Variants in MAML3 observed in about 807,000 individuals in gnomAD.
The protein encoded by MAML3 is mastermind like transcriptional coactivator 3, also known as mastermind-like protein 3.
MAML3 carries 27 observed loss-of-function variants against 101.9 expected under a neutral mutation model. That is an observed-to-expected ratio of 0.27 (90% CI 0.20 to 0.37). The LOEUF (loss-of-function observed/expected upper bound fraction) is 0.37. MAML3 is among the 10% of genes least tolerant of loss of function. The pLI is 1.00. For synonymous variants in MAML3, 501 were observed against 555.9 expected, an observed-to-expected ratio of 0.90 and a Z score of 1.39; for missense variants, 1,316 against 1,444.9, an observed-to-expected ratio of 0.91 and a Z score of 1.45.
At chr4:139,801,643 G>GTGTGTGTGT (rs1560798508) in intron 2 of MAML3, among the ~76,000 whole-genome samples, 195 of 30,760 alleles carry the variant, frequency 6.3e-3, no homozygotes, top group South Asian at 0.036. Context: ...GGTGTGTGTG[G>GTGTGTGTGT]GTGTGTGTGT....
chr4:139,804,036 C>A (rs1482196049), intron 2 of MAML3, among the ~76,000 whole-genome samples: 4 of 152,176 alleles, frequency 2.6e-5, no homozygotes, highest in African/African-American at 9.7e-5. Context: ...TCGGCAGACC[C>A]AACTTCCTGC....
intron 4 of MAML3, among the ~76,000 whole-genome samples, chr4:139,723,113 G>T (rs6834271): frequency 0.12 from 18,240 of 152,236 alleles, 1,276 homozygotes; most frequent in East Asian, 0.16. Context: ...ATATCTATAT[G>T]AGTGCGAAAT....
Position 139,940,496 on chromosome 4 carries a change from T to A in MAML3, c.469-49529A>T, listed in dbSNP as rs531799713. Among the ~76,000 whole-genome samples the A allele has an allele frequency of 2.1e-3, 317 of 152,332 alleles. 2 individuals are homozygous for A. The highest frequency in any genetic ancestry group is 3.3e-3 in the Non-Finnish European group (222 of 68,030). On this transcript the variant is annotated intron_variant, in intron 1 of 4. Coordinates refer to ENST00000509479, the MANE Select transcript of MAML3 (RefSeq NM_018717.5). ...GGATAATAATTCCTCAATTCTGTTA[T>A]GACTACTTTGGCAATAATATGAGAA...
intron 1 of MAML3, among the ~76,000 whole-genome samples, chr4:139,926,960 C>T (rs1405408357): frequency 6.6e-6 from 1 of 152,222 alleles, no homozygotes; most frequent in East Asian, 1.9e-4. Flanking sequence ...ATAACAATTC[C>T]TCAGTCTTTC....
chr4:139,932,378 T>G lies in MAML3; in HGVS notation c.469-41411A>C, dbSNP rs528940938. 4.6e-5 allele frequency among the ~76,000 whole-genome samples: 7 copies of G among 152,340 alleles called. No individual in the cohort carries two copies. In the South Asian group the frequency reaches 8.3e-4, roughly 18 times the overall value. On this transcript the variant is annotated intron_variant, in intron 1 of 4. Coordinates refer to ENST00000509479, the MANE Select transcript of MAML3 (RefSeq NM_018717.5). ...AACTAAGTTTCATTGATCTCAAGAT[T>G]ATGCAGTACCTCAAACTAAGGTTAA...
chr4:139,901,145 G>C (rs551273715), intron 1 of MAML3, among the ~76,000 whole-genome samples: 1 of 152,350 alleles, frequency 6.6e-6, no homozygotes, highest in South Asian at 2.1e-4. Context: ...CTTTGAGTCA[G>C]ATCTGGCTGA....
chr4:140,098,257 T>A lies in MAML3; in HGVS notation c.468+54603A>T, dbSNP rs149601127. ...CTCAAAAGGGCAAAGGTTTTTTGAATCCGAGCTCTATTACATACAATGCGC... is the reference window on the plus strand; with the variant it reads ...CTCAAAAGGGCAAAGGTTTTTTGAAACCGAGCTCTATTACATACAATGCGC... On this transcript the variant is annotated intron_variant, in intron 1 of 4. Coordinates refer to ENST00000509479, the MANE Select transcript of MAML3 (RefSeq NM_018717.5). Among the ~76,000 whole-genome samples the A allele has an allele frequency of 2.2e-3, 332 of 152,350 alleles. 2 individuals are homozygous for A. Among genetic ancestry groups the A allele is most frequent in the Non-Finnish European group, 4.0e-3 (269 of 68,032 alleles).
intron 1 of MAML3, among the ~76,000 whole-genome samples, chr4:140,039,339 A>C (rs1323112810): frequency 6.6e-6 from 1 of 152,044 alleles, no homozygotes; most frequent in Non-Finnish European, 1.5e-5. Flanking sequence ...TGGTACGGTC[A>C]ATTGGGCATG....
intron 1 of MAML3, among the ~76,000 whole-genome samples, chr4:139,964,367 C>A (rs6841661): frequency 0.67 from 102,049 of 151,934 alleles, 34,622 homozygotes; most frequent in Admixed American, 0.8. Flanking sequence ...ATGGTTCTCA[C>A]TCATAAGTGG....
chr4:139,792,261 A>G (rs1730426631), intron 2 of MAML3, among the ~76,000 whole-genome samples: 1 of 152,170 alleles, frequency 6.6e-6, no homozygotes, highest in Admixed American at 6.5e-5. Context: ...GAGATCTGAG[A>G]AGTCATCTAC....
intron 2 of MAML3, among the ~76,000 whole-genome samples, chr4:139,760,580 A>G (rs1260245304): frequency 6.6e-6 from 1 of 152,260 alleles, no homozygotes; most frequent in Non-Finnish European, 1.5e-5. Context: ...AGTTCATTGT[A>G]TACAGAACAC....
intron 2 of MAML3, among the ~76,000 whole-genome samples, chr4:139,796,255 T>C (rs999787806): frequency 1.3e-5 from 2 of 152,240 alleles, no homozygotes; most frequent in African/African-American, 2.4e-5. Context: ...TAGGGCTTTA[T>C]AGAGAGAAGA....
rs550097763 is a variant in MAML3 at position 139,922,231 on chromosome 4, G to A, written c.469-31264C>T. Among the ~76,000 whole-genome samples the A allele has an allele frequency of 1.6e-3, 247 of 152,160 alleles. 2 individuals carry two copies. Among genetic ancestry groups the A allele is most frequent in the African/African-American group, 5.7e-3 (237 of 41,502 alleles). The stretch of plus-strand genomic sequence containing the variant: ...CTTGCTTGCTTTTTAATTCCAAGGG[G>A]TATACTTATTTATTTGCTAATGACA... On this transcript the variant is annotated intron_variant, in intron 1 of 4. Coordinates refer to ENST00000509479, the MANE Select transcript of MAML3 (RefSeq NM_018717.5).
chr4:139,966,807 T>C (rs541706749), intron 1 of MAML3, among the ~76,000 whole-genome samples: 72 of 152,278 alleles, frequency 4.7e-4, no homozygotes, highest in African/African-American at 1.5e-3. Context: ...ATACCCATCA[T>C]GAAAGGAAAA....
intron 2 of MAML3, among the ~76,000 whole-genome samples, chr4:139,849,338 T>C (rs1731508258): frequency 6.6e-6 from 1 of 152,210 alleles, no homozygotes; most frequent in Non-Finnish European, 1.5e-5. Flanking sequence ...AAAGGAAAAC[T>C]GTATGAACTG....
At chr4:139,889,222 T>TG in intron 2 of MAML3, 135 bp downstream of exon 2, 2 of 1,533,036 alleles carry the variant, frequency 1.3e-6, no homozygotes, top group Non-Finnish European at 1.8e-6. Context: ...ACCTGGCCAC[T>TG]ACCTGAGGAT....
chr4:139,898,284 A>C (rs1291456364), intron 1 of MAML3, among the ~76,000 whole-genome samples: 4 of 152,246 alleles, frequency 2.6e-5, no homozygotes, highest in African/African-American at 4.8e-5. Flanking sequence ...GGTTAGTTTA[A>C]AATACTGAAA....
At chr4:139,904,113 G>A (rs1732774531) in intron 1 of MAML3, among the ~76,000 whole-genome samples, 1 of 152,134 alleles carries the variant, frequency 6.6e-6, no homozygotes, top group Non-Finnish European at 1.5e-5. Context: ...ATGAATTCTG[G>A]AGGACTAACA....
chr4:140,115,276 T>G (rs1284399887), intron 1 of MAML3, among the ~76,000 whole-genome samples: 1 of 152,228 alleles, frequency 6.6e-6, no homozygotes, highest in Non-Finnish European at 1.5e-5. Flanking sequence ...AGTCTTAAAT[T>G]ACTTCTTTCT....
Sources: allele counts gnomAD v4.1 joint callset (sites outside exome capture counted in the v4.1 genomes callset), GRCh38; gene constraint gnomAD v4.1.1; transcripts MANE v1.5; gene names NCBI Gene and HGNC (gene_info 2026-07-23, HGNC 2026-07-21).